SEMA3C: variants seen among roughly 807,000 people sequenced by gnomAD.
SEMA3C encodes the protein semaphorin 3C, also known as semaphorin-3C.
In SEMA3C, 47 loss-of-function variants were observed where a neutral mutation model predicts 89.4. The observed-to-expected ratio is 0.53, with a 90% CI of 0.42 to 0.67. The LOEUF (loss-of-function observed/expected upper bound fraction) is 0.67. Among genes scored for constraint, SEMA3C ranks in the 30% least tolerant of loss-of-function variants. The probability of loss-of-function intolerance (pLI) is 0.00; values close to 1 mark genes in which losing one functional copy is unlikely to be tolerated. For synonymous variants in SEMA3C, 310 were observed against 320.2 expected (o/e 0.97, Z 0.34); for missense variants, 839 against 929.1 (o/e 0.90, Z 1.26).
intron 2 of SEMA3C, among the ~76,000 whole-genome samples, chr7:80,842,271 T>C (rs531217873): frequency 6.6e-6 from 1 of 152,284 alleles, no homozygotes; most frequent in African/African-American, 2.4e-5. Context: ...TCTCTTTCCT[T>C]TGTGCTAGAC....
At chr7:80,854,303 T>A (rs759974260) in intron 2 of SEMA3C, among the ~76,000 whole-genome samples, 4 of 152,222 alleles carry the variant, frequency 2.6e-5, no homozygotes, top group Non-Finnish European at 5.9e-5. Context: ...GAACTTGCAC[T>A]AAATGGCAGC....
chr7:80,816,205 T>C (rs1158248168), intron 5 of SEMA3C: 2 of 152,152 alleles, frequency 1.3e-5, no homozygotes, highest in African/African-American at 4.8e-5. Flanking sequence ...AAACACGAAG[T>C]AGGCTCATCA....
chr7:80,749,821 GA>G (rs1787885018), intron 16 of SEMA3C, among the ~76,000 whole-genome samples: 1 of 152,076 alleles, frequency 6.6e-6, no homozygotes, highest in Admixed American at 6.6e-5. Context: ...AGCATTGAGT[GA>G]AATAATCATA....
chr7:80,871,378 C>G (rs1284394008), intron 2 of SEMA3C, among the ~76,000 whole-genome samples: 1 of 152,170 alleles, frequency 6.6e-6, no homozygotes, highest in African/African-American at 2.4e-5. Flanking sequence ...GTTTCATATT[C>G]ATGGCTTTGT....
intron 3 of SEMA3C, 54 bp from the exon 4 acceptor site, chr7:80,827,541 C>A (rs1007382020): frequency 1.4e-6 from 2 of 1,401,512 alleles, no homozygotes; most frequent in East Asian, 2.5e-5. Context: ...ATATGACAGC[C>A]CAGTGCTCTT....
At chr7:80,886,281 T>G in intron 2 of SEMA3C, among the ~76,000 whole-genome samples, 1 of 152,072 alleles carries the variant, frequency 6.6e-6, no homozygotes, top group African/African-American at 2.4e-5. Flanking sequence ...ATATACCATA[T>G]ATGCAGTATG....
At chr7:80,856,536 GAAAAAAAAAAA>G (rs397970593) in intron 2 of SEMA3C, among the ~76,000 whole-genome samples, 1 of 49,190 alleles carries the variant, frequency 2.0e-5, no homozygotes, top group South Asian at 6.9e-4. Flanking sequence ...ATTGGTTAAG[GAAAAAAAAAAA>G]AAAAAAAAAA....
intron 12 of SEMA3C, among the ~76,000 whole-genome samples, chr7:80,774,404 A>T (rs533801762): frequency 6.6e-6 from 1 of 152,342 alleles, no homozygotes; most frequent in South Asian, 2.1e-4. Flanking sequence ...GCATTAAAGC[A>T]GTTATTATAA....
intron 2 of SEMA3C, among the ~76,000 whole-genome samples, chr7:80,885,215 CT>C (rs1791446604): frequency 6.6e-6 from 1 of 152,196 alleles, no homozygotes; most frequent in Non-Finnish European, 1.5e-5. Flanking sequence ...AATCTAATAC[CT>C]TTTTTTGTTT....
intron 2 of SEMA3C, among the ~76,000 whole-genome samples, chr7:80,886,574 G>T (rs1186391908): frequency 6.6e-6 from 1 of 151,938 alleles, no homozygotes; most frequent in Non-Finnish European, 1.5e-5. Context: ...GGCTGGTCTC[G>T]AACTACTGAC....
At chr7:80,840,831 A>C (rs1307413597) in intron 2 of SEMA3C, among the ~76,000 whole-genome samples, 1 of 152,170 alleles carries the variant, frequency 6.6e-6, no homozygotes, top group Non-Finnish European at 1.5e-5. Flanking sequence ...TAAATGCACA[A>C]AGTATAGTAA....
At chr7:80,852,825 C>CCCACCA (rs993235044) in intron 2 of SEMA3C, among the ~76,000 whole-genome samples, 10 of 151,842 alleles carry the variant, frequency 6.6e-5, no homozygotes, top group Non-Finnish European at 1.3e-4. Context: ...ACTACAGGTG[C>CCCACCA]CCACCACCAC....
intron 4 of SEMA3C, among the ~76,000 whole-genome samples, chr7:80,822,037 G>T (rs945607790): frequency 2.0e-5 from 3 of 152,138 alleles, no homozygotes; most frequent in African/African-American, 7.2e-5. Flanking sequence ...TTTCCATTGT[G>T]CTGCCTTCGT....
intron 2 of SEMA3C, among the ~76,000 whole-genome samples, chr7:80,871,655 G>A (rs916402882): frequency 1.3e-5 from 2 of 152,012 alleles, no homozygotes; most frequent in Non-Finnish European, 2.9e-5. Flanking sequence ...TGGAACACTG[G>A]GCATAAATGC....
At chr7:80,918,679 A>G (rs888367450) in intron 1 of SEMA3C, 149 bp downstream of exon 1, 2 of 360,778 alleles carry the variant, frequency 5.5e-6, no homozygotes, top group Non-Finnish European at 7.7e-6. Context: ...CAGGGCTCTC[A>G]GCAAGGGGAA....
At chr7:80,841,350 C>A (rs1042519474) in intron 2 of SEMA3C, among the ~76,000 whole-genome samples, 2 of 152,072 alleles carry the variant, frequency 1.3e-5, no homozygotes, top group Non-Finnish European at 2.9e-5. Flanking sequence ...AAAGTCTTGA[C>A]AAAAATGCAA....
intron 2 of SEMA3C, among the ~76,000 whole-genome samples, chr7:80,896,896 G>C (rs1041908416): frequency 2.0e-5 from 3 of 152,060 alleles, no homozygotes; most frequent in African/African-American, 7.3e-5. Context: ...TTCTCCCTGT[G>C]TATCTCAATT....
chr7:80,765,757 T>A (rs1196747984), intron 12 of SEMA3C, among the ~76,000 whole-genome samples: 1 of 152,080 alleles, frequency 6.6e-6, no homozygotes, highest in Non-Finnish European at 1.5e-5. Flanking sequence ...TTTGTATTTT[T>A]AGTAGAGACG....
chr7:80,827,500 A>G lies in SEMA3C; in HGVS notation c.265-13T>C, dbSNP rs1210760712. On this transcript the variant is annotated splice_polypyrimidine_tract_variant and intron_variant, in intron 3 of 17. Transcript: ENST00000265361. Reference sequence around the variant, plus strand: ...CTGGCCAGAAAACCTGCTCAGAAAGAAAAATAAAGGTTGCATAATCTCACC... The same window carrying G: ...CTGGCCAGAAAACCTGCTCAGAAAGGAAAATAAAGGTTGCATAATCTCACC... The G allele has an allele frequency of 1.3e-6, 2 of 1,595,890 alleles. No individual in the cohort carries two copies. Among genetic ancestry groups the G allele is most frequent in the East Asian group, 4.5e-5 (2 of 44,200 alleles).
Sources: gnomAD v4.1 joint callset for allele counts (sites outside exome capture counted in the v4.1 genomes callset) on GRCh38, gnomAD v4.1.1 for gene constraint, MANE v1.5 for transcripts, NCBI Gene and HGNC (gene_info 2026-07-23, HGNC 2026-07-21) for gene names.